The following DNAH10 variants were observed in gnomAD, a reference collection of about 807,000 sequenced individuals.
The protein encoded by DNAH10 is dynein axonemal heavy chain 10.
DNAH10 carries 348 observed loss-of-function variants against 506.6 expected under a neutral mutation model. The ratio of observed to expected loss-of-function variants is 0.69; its 90% CI spans 0.63 to 0.75. DNAH10 has a LOEUF of 0.75. Among genes scored for constraint, DNAH10 ranks in the 30% least tolerant of loss-of-function variants. DNAH10 has a pLI of 0.00. For missense variants in DNAH10, 5,179 were observed against 5,787.1 expected (o/e 0.89, Z 3.41); for synonymous variants, 2,059 against 2,198.6 (o/e 0.94, Z 1.78).
At chr12:123,867,410 A>G in intron 41 of DNAH10, 57 bp from the exon 42 acceptor site, 4 of 1,558,208 alleles carry the variant, frequency 2.6e-6, no homozygotes, top group Non-Finnish European at 2.6e-6. Context: ...GCTTTCCACT[A>G]ACTTCCATTT....
At chr12:123,824,381 G>A (rs569011208) in intron 24 of DNAH10, among the ~76,000 whole-genome samples, 1 of 152,176 alleles carries the variant, frequency 6.6e-6, no homozygotes, top group Non-Finnish European at 1.5e-5. Flanking sequence ...TGAGGAAGCA[G>A]CACTTGGATG....
chr12:123,843,111 A>G (rs745715038), intron 30 of DNAH10, among the ~76,000 whole-genome samples: 16 of 152,226 alleles, frequency 1.1e-4, no homozygotes, highest in Admixed American at 4.6e-4. Flanking sequence ...GGTAGTGCTG[A>G]GTTGGTGGAA....
intron 25 of DNAH10, among the ~76,000 whole-genome samples, chr12:123,829,980 C>T (rs1044000547): frequency 1.4e-4 from 22 of 152,172 alleles, no homozygotes; most frequent in African/African-American, 5.3e-4. Flanking sequence ...CTTCATACCT[C>T]CTCTGGCACA....
chr12:123,889,757 G>T (rs117905946), intron 52 of DNAH10, among the ~76,000 whole-genome samples: 2 of 152,158 alleles, frequency 1.3e-5, no homozygotes, highest in African/African-American at 4.8e-5. Context: ...TCCCCTATGC[G>T]CCTGGAGGTC....
chr12:123,801,425 C>T lies in DNAH10; in HGVS notation c.2607C>T (p.Asn869=), dbSNP rs199846156. The T allele has an allele frequency of 6.2e-7, 1 of 1,613,596 alleles. No homozygotes were observed. Among genetic ancestry groups the T allele is most frequent in the East Asian group, 2.2e-5 (1 of 44,878 alleles). The change falls in exon 16 of 79, where the codon AAC becomes AAT. Residue 869 remains asparagine, a synonymous_variant. Coordinates refer to ENST00000673944, the MANE Select transcript of DNAH10 (RefSeq NM_001372106.1). ...CGGGATATAAGAGGTTGAACTGGAA[C>T]TCACTAGGTAACGTCATTCATCTAT... is the stretch of plus-strand genomic sequence containing the variant. ...FRSGYKRLNW[N]SLGIGDYITG...
chr12:123,934,878 T>C, intron 78 of DNAH10, 112 bp downstream of exon 78: 1 of 1,389,142 alleles, frequency 7.2e-7, no homozygotes, highest in Non-Finnish European at 9.8e-7. Context: ...GTGCCTAAGC[T>C]TTATGGGCTG....
At chr12:123,904,915 G>T (rs1415897443) in intron 57 of DNAH10, among the ~76,000 whole-genome samples, 2 of 152,132 alleles carry the variant, frequency 1.3e-5, no homozygotes, top group Non-Finnish European at 2.9e-5. Context: ...ATCAGCTGTG[G>T]TCACCTTCCC....
chr12:123,804,810 C>G, intron 17 of DNAH10, 23 bp from the exon 18 acceptor site: 4 of 1,603,988 alleles, frequency 2.5e-6, no homozygotes, highest in Non-Finnish European at 3.4e-6. Flanking sequence ...GTGGACAGCT[C>G]TAACAGACAT....
chr12:123,917,872 C>A lies in DNAH10; in HGVS notation c.11232+59C>A. The A allele has an allele frequency of 6.6e-7, 1 of 1,505,186 alleles. No individual in the cohort carries two copies. The highest frequency in any genetic ancestry group is 9.0e-7 in the Non-Finnish European group (1 of 1,110,946). 93.2% of individuals were successfully genotyped at this position (1,505,186 alleles called of 1,614,324 possible). A position where few individuals can be genotyped will look rare whatever the true frequency, so the allele number is the denominator to read the frequency against. On this transcript the variant is annotated intron_variant, in intron 64 of 78. Coordinates refer to ENST00000673944, the MANE Select transcript of DNAH10 (RefSeq NM_001372106.1). This position sits in a 1 kb window ranked among gnomAD's most constrained non-coding sequence, Gnocchi z 5.6. ...GCGGGGCCTGCATGCGCCGTTGGAG[C>A]GTCCATTTCTCTGTCTGCTCAATGA...
intron 51 of DNAH10, chr12:123,882,041 AG>A (rs1263617404): frequency 5.0e-6 from 2 of 400,284 alleles, no homozygotes; most frequent in African/African-American, 2.1e-5. Context: ...GGCTTAGGAT[AG>A]GGTTACATCC....
intron 56 of DNAH10, 81 bp downstream of exon 56, chr12:123,898,895 C>T: frequency 6.8e-7 from 1 of 1,474,500 alleles, no homozygotes; most frequent in East Asian, 2.5e-5. Context: ...GCCAGGGCAG[C>T]CCATCCCGAG....
intron 7 of DNAH10, 48 bp downstream of exon 7, chr12:123,783,312 C>T: frequency 6.2e-7 from 1 of 1,602,556 alleles, no homozygotes; most frequent in Non-Finnish European, 8.5e-7. Flanking sequence ...GTCATGCTTA[C>T]CATGCTGGGA....
intron 20 of DNAH10, 49 bp from the exon 21 acceptor site, chr12:123,813,705 T>G (rs1248402514): frequency 3.1e-6 from 5 of 1,612,628 alleles, no homozygotes; most frequent in Non-Finnish European, 2.5e-6. Context: ...TTTGCGCCAT[T>G]ACTGTTTTTT....
chr12:123,805,557 C>A (rs1474090213), intron 18 of DNAH10, among the ~76,000 whole-genome samples: 5 of 152,198 alleles, frequency 3.3e-5, no homozygotes, highest in Non-Finnish European at 7.3e-5. Flanking sequence ...GACCCCATCG[C>A]ATTGGTGGCC....
In DNAH10 at chr12:123,801,387, C is replaced by A. The variant is rs201207884; in HGVS notation, c.2569C>A (p.Arg857=). The change falls in exon 16 of 79, where the codon CGA becomes AGA. Residue 857 remains arginine (R), a synonymous_variant. Coordinates refer to ENST00000673944, the MANE Select transcript of DNAH10 (RefSeq NM_001372106.1). Reference sequence around the variant, plus strand: ...CAAAGATCATTCCCAGGAACTGCTCCGAGTGTTTAGGTCGGGATATAAGAG... The same window carrying A: ...CAAAGATCATTCCCAGGAACTGCTCAGAGTGTTTAGGTCGGGATATAAGAG... The part of the protein sequence containing the change: ...LLKDHSQELL[R]VFRSGYKRLN... The A allele has an allele frequency of 3.9e-5, 63 of 1,614,136 alleles. No homozygotes were observed. In the East Asian group the frequency reaches 1.0e-3, roughly 26 times the overall value.
intron 51 of DNAH10, among the ~76,000 whole-genome samples, chr12:123,883,099 C>T (rs1161191349): frequency 6.6e-5 from 10 of 152,164 alleles, no homozygotes; most frequent in African/African-American, 9.7e-5. Flanking sequence ...GGCTATGCCA[C>T]GTTTCCTTTA....
In DNAH10 at chr12:123,790,070, G is replaced by A; in HGVS notation, c.1764G>A (p.Lys588=). The A allele has an allele frequency of 1.9e-6, 3 of 1,614,138 alleles. No individual in the cohort carries two copies. Among genetic ancestry groups the A allele is most frequent in the Non-Finnish European group, 2.5e-6 (3 of 1,180,016 alleles). ...ENLTFDPFSI[K]SSQFWKYVMD... is the part of the protein sequence containing the mutation. ...TGACCTTTGACCCCTTCAGCATCAAGTCCTCCCAGTTCTGGAAATATGTGA... is the reference window on the plus strand; with the variant it reads ...TGACCTTTGACCCCTTCAGCATCAAATCCTCCCAGTTCTGGAAATATGTGA... Residue 588 remains lysine, a synonymous_variant, in exon 11 of 79, where the codon AAG becomes AAA. Transcript: ENST00000673944.
rs538314321 is a variant in DNAH10, at chr12:123,872,958, G to A, written c.7786-600G>A. 2.1e-3 allele frequency among the ~76,000 whole-genome samples: 320 copies of A among 152,298 alleles called. 1 individual carries two copies. Among genetic ancestry groups the A allele is most frequent in the Non-Finnish European group, 3.5e-3 (240 of 68,010 alleles). The stretch of plus-strand genomic sequence containing the variant: ...GAGAACCACTAATCAAGGAGCTCTC[G>A]CCAGCCTAAGCATGGCAGGAGGGCC... On this transcript the variant is annotated intron_variant, in intron 45 of 78. Transcript: ENST00000673944.
chr12:123,934,246 C>A lies in DNAH10; in HGVS notation c.13478-375C>A. ...CCTGCTCCCCAGCCACTTCGGCTCA[C>A]AGGGTAGCTGGGGTTGCCATGGTGC... is the stretch of plus-strand genomic sequence containing the variant. On this transcript the variant is annotated intron_variant, in intron 77 of 78. Coordinates refer to ENST00000673944, the MANE Select transcript of DNAH10 (RefSeq NM_001372106.1). The A allele has an allele frequency of 7.1e-6, 5 of 700,568 alleles. No homozygotes were observed. The South Asian group carries it at 7.4e-5, about 10-fold the overall frequency. 43.4% of individuals were successfully genotyped at this position (700,568 alleles called of 1,614,324 possible). A position where few individuals can be genotyped will look rare whatever the true frequency, so the allele number is the denominator to read the frequency against.
Sources: gnomAD v4.1 joint callset for allele counts (sites outside exome capture counted in the v4.1 genomes callset) on GRCh38, gnomAD v4.1.1 for gene constraint, Gnocchi (gnomAD v3.1) non-coding constraint, MANE v1.5 for transcripts, NCBI Gene and HGNC (gene_info 2026-07-23, HGNC 2026-07-21) for gene names.